The following ECE2 variants were observed in gnomAD, a reference collection of about 807,000 sequenced individuals.
ECE2 encodes endothelin converting enzyme 2.
ECE2 carries 81 observed loss-of-function variants against 100.6 expected under a neutral mutation model. The observed-to-expected ratio is 0.81, with a 90% CI of 0.67 to 0.97. The LOEUF is 0.97. Ranked by LOEUF, ECE2 falls within the 50% of genes least tolerant of loss-of-function variation. ECE2 has a pLI of 0.00. For synonymous variants in ECE2, 391 were observed against 391.5 expected (o/e 1.00, Z 0.02); for missense variants, 911 against 988.1 (o/e 0.92, Z 1.05).
chr3:184,281,533 G>C (rs545083661), intron 7 of ECE2, among the ~76,000 whole-genome samples: 5 of 152,376 alleles, frequency 3.3e-5, no homozygotes, highest in South Asian at 2.1e-4. Flanking sequence ...ACACTATGCA[G>C]GAGCATTGTG....
chr3:184,288,013 A>G (rs1343925097), intron 11 of ECE2, 66 bp downstream of exon 11: 8 of 1,488,002 alleles, frequency 5.4e-6, no homozygotes, highest in South Asian at 4.6e-5. Flanking sequence ...GTGCAGACAT[A>G]TAGAAAAACA....
At position 184,278,285 on chromosome 3, in the gene ECE2, C is replaced by T; in HGVS notation, c.722C>T (p.Ser241Phe). 1 of 1,614,082 alleles carries T rather than the reference C, an allele frequency of 6.2e-7. No individual in the cohort carries two copies. The highest frequency in any genetic ancestry group is 1.1e-5 in the South Asian group (1 of 91,070). Residue 241 changes from serine (S) to phenylalanine (F), a missense_variant, in exon 6 of 19, where the codon TCT (serine) becomes TTT (phenylalanine). Transcript: ENST00000404464. The stretch of plus-strand genomic sequence containing the variant: ...TTCACCGTCTACATCAGTGCCGACT[C>T]TAAGAGTTCCAACAGCAATGTTATC... ...PFFTVYISADSKSSNSNVIQV... is the reference protein window; with the variant it reads ...PFFTVYISADFKSSNSNVIQV...
chr3:184,281,611 T>C (rs561409381), intron 7 of ECE2, among the ~76,000 whole-genome samples: 1 of 152,336 alleles, frequency 6.6e-6, no homozygotes, highest in South Asian at 2.1e-4. Flanking sequence ...AACAGATGTG[T>C]GATTTTGACA....
intron 7 of ECE2, 103 bp from the exon 8 acceptor site, chr3:184,283,682 G>A: frequency 1.6e-6 from 2 of 1,230,654 alleles, no homozygotes; most frequent in Admixed American, 2.4e-5. Flanking sequence ...GCTTCCAGAA[G>A]GATCAAGCAG....
chr3:184,278,393 C>CT, intron 6 of ECE2, 80 bp downstream of exon 6: 2 of 1,588,246 alleles, frequency 1.3e-6, no homozygotes, highest in Non-Finnish European at 1.7e-6. Context: ...GACAGGCAGG[C>CT]TGGGCTGACC....
At chr3:184,278,647 G>T (rs778169851) in intron 7 of ECE2, 90 bp downstream of exon 7, 15 of 1,417,828 alleles carry the variant, frequency 1.1e-5, no homozygotes, top group African/African-American at 1.4e-5. Context: ...GGTCAGAGCA[G>T]GGAAGGTGAG....
intron 10 of ECE2, 75 bp downstream of exon 10, chr3:184,285,667 C>A: frequency 9.0e-7 from 1 of 1,108,318 alleles, no homozygotes; most frequent in South Asian, 1.3e-5. Flanking sequence ...TGACAGGCAC[C>A]ATGTGCCTCA....
At chr3:184,286,964 T>C (rs1243033181) in intron 10 of ECE2, among the ~76,000 whole-genome samples, 5 of 151,366 alleles carry the variant, frequency 3.3e-5, no homozygotes, top group African/African-American at 9.7e-5. Flanking sequence ...CTTGAGTGGA[T>C]GGGAAAGATG....
At position 184,291,209 on chromosome 3, in the gene ECE2, G is replaced by A; in HGVS notation, c.2004G>A (p.Gly668=). The A allele has an allele frequency of 1.2e-6, 2 of 1,612,744 alleles. No individual in the cohort carries two copies. Among genetic ancestry groups the A allele is most frequent in the Non-Finnish European group, 1.7e-6 (2 of 1,179,368 alleles). The change falls in exon 17 of 19, where the codon GGG becomes GGA. Residue 668 remains glycine, a synonymous_variant. Coordinates refer to ENST00000404464, the MANE Select transcript of ECE2 (RefSeq NM_001100121.2). This position sits in a 1 kb window ranked among gnomAD's most constrained non-coding sequence, Gnocchi z 4.1. ...QTLGENIADN[G]GLKAAYNAYK... ...TGGGGGAGAACATTGCTGACAACGG[G>A]GGGCTGAAGGCTGCCTACAATGTGA...
intron 8 of ECE2, 118 bp from the exon 9 acceptor site, chr3:184,284,845 T>G: frequency 7.4e-7 from 1 of 1,355,882 alleles, no homozygotes; most frequent in South Asian, 1.5e-5. Flanking sequence ...GGATACACCA[T>G]GAAGCCAGTA....
chr3:184,280,671 C>T (rs1720779817), intron 7 of ECE2, among the ~76,000 whole-genome samples: 1 of 152,042 alleles, frequency 6.6e-6, no homozygotes, highest in African/African-American at 2.4e-5. Flanking sequence ...GGTGAAACCC[C>T]ATCTCTACTA....
In ECE2 at chr3:184,287,451, G is replaced by A. The variant is rs1721106758; in HGVS notation, c.1264-386G>A. ...TCATGCCTTTAATCCCAGCACTTTG[G>A]GAGGCCAAAGCGGGCAGATCACTTG... On this transcript the variant is annotated intron_variant, in intron 10 of 18. Transcript: ENST00000404464. 2.6e-5 allele frequency among the ~76,000 whole-genome samples: 4 copies of A among 152,122 alleles called. No individual in the cohort carries two copies. The South Asian group carries it at 8.3e-4, about 31-fold the overall frequency.
In ECE2 at chr3:184,287,916, A is replaced by G. The variant is rs1319996688; in HGVS notation, c.1343A>G (p.Lys448Arg). ...TTTGCTTTGGGGTCCCTCTTCGTGA[A>G]GGCCACGTTTGACCGGCAAAGCAAA... ...LGFALGSLFV[K>R]ATFDRQSKEI... The change falls in exon 11 of 19, where the codon AAG (lysine) becomes AGG (arginine). Residue 448 changes from lysine to arginine, a missense_variant. Lys to Arg is a conservative substitution (Grantham distance 26). Transcript: ENST00000404464. 1 of 1,614,210 alleles carries G rather than the reference A, an allele frequency of 6.2e-7. No individual in the cohort carries two copies. The highest frequency in any genetic ancestry group is 8.5e-7 in the Non-Finnish European group (1 of 1,180,024).
At chr3:184,276,622 G>C in intron 2 of ECE2, 55 bp downstream of exon 2, 1 of 1,586,528 alleles carries the variant, frequency 6.3e-7, no homozygotes, top group Non-Finnish European at 8.6e-7. Flanking sequence ...CATGACGCCT[G>C]GCACACCCAG....
rs1721382716 is a variant in ECE2 at position 184,292,650 on chromosome 3, C to T, written c.*412C>T. ...CTTCTCCCCAGGCTCACTCAGTGCG[C>T]ACTTAGGGGTGGACTCAGCTCTGTC... is the stretch of plus-strand genomic sequence containing the variant. On this transcript the variant is annotated 3_prime_UTR_variant, in exon 19 of 19. Coordinates refer to ENST00000404464, the MANE Select transcript of ECE2 (RefSeq NM_001100121.2). The T allele has an allele frequency of 4.8e-6, 1 of 207,262 alleles. No homozygotes were observed. The highest frequency in any genetic ancestry group is 9.9e-6 in the Non-Finnish European group (1 of 100,988). 12.8% of individuals were successfully genotyped at this position (207,262 alleles called of 1,614,324 possible).
chr3:184,291,629 A>G lies in ECE2; in HGVS notation c.2121+190A>G. The G allele has an allele frequency of 1.8e-6, 1 of 570,738 alleles. No individual in the cohort carries two copies. The highest frequency in any genetic ancestry group is 3.0e-6 in the Non-Finnish European group (1 of 328,934). The allele number at this position is 570,738 out of a possible 1,614,324, so 35.4% of individuals were successfully genotyped here. Reference sequence around the variant, plus strand: ...GCCAGGGCCCACAAAGGCAGCCTGAAGAGGCCTGAGCGGGAGAATGCCTTG... The same window carrying G: ...GCCAGGGCCCACAAAGGCAGCCTGAGGAGGCCTGAGCGGGAGAATGCCTTG... On this transcript the variant is annotated intron_variant, in intron 18 of 18. Coordinates refer to ENST00000404464, the MANE Select transcript of ECE2 (RefSeq NM_001100121.2). The surrounding 1 kb of genome is among the most constrained non-coding windows in gnomAD (Gnocchi z 4.1).
Position 184,289,154 on chromosome 3 carries a change from CAAA to C in ECE2, c.1375-270_1375-268del, listed in dbSNP as rs780697073. Reference sequence around the variant, plus strand: ...TAGGTAACACAGCCAGACTCTGTCTCAAAAAAAAAAAAAAATCATTGCACTATA... The same window carrying C: ...TAGGTAACACAGCCAGACTCTGTCTCAAAAAAAAAAAATCATTGCACTATA... On this transcript the variant is annotated intron_variant, in intron 11 of 18. Coordinates refer to ENST00000404464, the MANE Select transcript of ECE2 (RefSeq NM_001100121.2). This position sits in a 1 kb window ranked among gnomAD's most constrained non-coding sequence, Gnocchi z 4.1. Among the ~76,000 whole-genome samples the C allele has an allele frequency of 2.6e-5, 3 of 116,220 alleles. No individual in the cohort carries two copies. The allele number at this position is 116,220 out of a possible 152,430, so 76.2% of individuals were successfully genotyped here.
In ECE2 at chr3:184,289,759, A is replaced by G. The variant is rs1446429478; in HGVS notation, c.1551+41A>G. 8 of 1,539,310 alleles carry G rather than the reference A, an allele frequency of 5.2e-6. No individual in the cohort carries two copies. Among genetic ancestry groups the G allele is most frequent in the African/African-American group, 1.4e-5 (1 of 72,720 alleles). On this transcript the variant is annotated intron_variant, in intron 13 of 18. Coordinates refer to ENST00000404464, the MANE Select transcript of ECE2 (RefSeq NM_001100121.2). The surrounding 1 kb of genome is among the most constrained non-coding windows in gnomAD (Gnocchi z 4.1). ...CATCAGTACTGAACTTCAGCCCTGTAGAGGGCACTGTTCCCTGGGCTTAGA... is the reference window on the plus strand; with the variant it reads ...CATCAGTACTGAACTTCAGCCCTGTGGAGGGCACTGTTCCCTGGGCTTAGA...
intron 7 of ECE2, among the ~76,000 whole-genome samples, chr3:184,281,854 T>C (rs1004463844): frequency 1.3e-5 from 2 of 152,176 alleles, no homozygotes; most frequent in Admixed American, 6.5e-5. Context: ...GCCCCAGCAC[T>C]TTGGGAGGCT....
Sources: allele counts gnomAD v4.1 joint callset (sites outside exome capture counted in the v4.1 genomes callset), GRCh38; gene constraint gnomAD v4.1.1; non-coding constraint Gnocchi (gnomAD v3.1); transcripts MANE v1.5; gene names NCBI Gene and HGNC (gene_info 2026-07-23, HGNC 2026-07-21).